The following SLC15A1 variants were observed in gnomAD, a reference collection of about 807,000 sequenced individuals.
SLC15A1 encodes solute carrier family 15 member 1, also known as Caco-2 oligopeptide transporter.
Under a neutral mutation model 92.9 loss-of-function variants are expected in SLC15A1, and 83 were observed. The ratio of observed to expected loss-of-function variants is 0.89; its 90% CI spans 0.75 to 1.07. The LOEUF (loss-of-function observed/expected upper bound fraction) is 1.07, where lower values mean the gene tolerates loss of function less well. Among genes scored for constraint, SLC15A1 ranks in the 50% least tolerant of loss-of-function variants. SLC15A1 has a pLI of 0.00. For synonymous variants in SLC15A1, 322 were observed against 318.2 expected, an observed-to-expected ratio of 1.01 and a Z score of -0.13; for missense variants, 857 against 880.1, an observed-to-expected ratio of 0.97 and a Z score of 0.33.
chr13:98,689,621 T>TTTA (rs2139561534), intron 18 of SLC15A1, among the ~76,000 whole-genome samples: 1 of 152,228 alleles, frequency 6.6e-6, no homozygotes, highest in South Asian at 2.1e-4. Context: ...AATTTTTATT[T>TTTA]TTATTTTTGT....
intron 9 of SLC15A1, among the ~76,000 whole-genome samples, chr13:98,712,830 G>A (rs1210687993): frequency 6.6e-6 from 1 of 152,110 alleles, no homozygotes; most frequent in Non-Finnish European, 1.5e-5. Context: ...AGAGAAGCAC[G>A]CCCAATAGAA....
intron 18 of SLC15A1, among the ~76,000 whole-genome samples, chr13:98,689,408 G>A (rs2087958097): frequency 6.6e-6 from 1 of 152,134 alleles, no homozygotes; most frequent in Non-Finnish European, 1.5e-5. Flanking sequence ...CCCGGGACTG[G>A]AGAGGAAGAA....
chr13:98,734,243 G>A (rs1480386159), intron 1 of SLC15A1, among the ~76,000 whole-genome samples: 1 of 152,164 alleles, frequency 6.6e-6, no homozygotes, highest in Non-Finnish European at 1.5e-5. Flanking sequence ...GGGATTATAG[G>A]CATGAGCCAC....
chr13:98,739,987 C>T lies in SLC15A1; in HGVS notation c.4+12608G>A, dbSNP rs147603914. On this transcript the variant is annotated intron_variant, in intron 1 of 22. Coordinates refer to ENST00000376503, the MANE Select transcript of SLC15A1 (RefSeq NM_005073.4). ...GAGGTAGCCATCAAAGAAGAAAGAG[C>T]CCCCTCCAGGGTCAATTACATTGAC... is the stretch of plus-strand genomic sequence containing the variant. Among the ~76,000 whole-genome samples the T allele has an allele frequency of 6.6e-3, 1,005 of 152,186 alleles. 12 individuals are homozygous for T. Among genetic ancestry groups the T allele is most frequent in the African/African-American group, 0.023 (970 of 41,522 alleles).
At chr13:98,706,891 T>C (rs551064254) in intron 15 of SLC15A1, among the ~76,000 whole-genome samples, 123 of 152,264 alleles carry the variant, frequency 8.1e-4, no homozygotes, top group Non-Finnish European at 1.2e-3. Context: ...AAGCCAAATA[T>C]CTGATGGCTC....
intron 2 of SLC15A1, 43 bp from the exon 3 acceptor site, chr13:98,726,492 A>G (rs766615064): frequency 3.8e-5 from 60 of 1,559,974 alleles, no homozygotes; most frequent in Non-Finnish European, 5.0e-5. Context: ...TACACCCCCC[A>G]CTGGTCCATA....
In SLC15A1 at chr13:98,726,208, C is replaced by A. The variant is rs199996553; in HGVS notation, c.160G>T (p.Ala54Ser). The A allele has an allele frequency of 3.1e-6, 5 of 1,613,950 alleles. No homozygotes were observed. In the Middle Eastern group the frequency reaches 4.9e-4, roughly 160 times the overall value. ...FISWDDNLSTAIYHTFVALCY... is the reference protein window; with the variant it reads ...FISWDDNLSTSIYHTFVALCY... ...AGAGCCACAAACGTATGGTAGATGG[C>A]GGTGGACAGGTTATCATCCCAGCTG... The change falls in exon 4 of 23, where the codon GCC (alanine) becomes TCC (serine). Residue 54 changes from alanine to serine, a missense_variant. Ala to Ser is a moderately conservative substitution (Grantham distance 99, BLOSUM62 1). Coordinates refer to ENST00000376503, the MANE Select transcript of SLC15A1 (RefSeq NM_005073.4).
chr13:98,705,202 G>GGA (rs1555322802), intron 16 of SLC15A1, among the ~76,000 whole-genome samples: 4 of 127,112 alleles, frequency 3.1e-5, no homozygotes, highest in Non-Finnish European at 4.8e-5. Context: ...CTGTATTTAA[G>GGA]AAAAAAAAAA....
chr13:98,711,752 G>A (rs2088164512), intron 11 of SLC15A1, 102 bp downstream of exon 11: 1 of 748,712 alleles, frequency 1.3e-6, no homozygotes, highest in Non-Finnish European at 2.3e-6. Context: ...GAAACTGGAG[G>A]AGAACTTTTT....
intron 5 of SLC15A1, 71 bp downstream of exon 5, chr13:98,723,841 G>A (rs1334154149): frequency 6.3e-7 from 1 of 1,598,852 alleles, no homozygotes; most frequent in Non-Finnish European, 8.5e-7. Context: ...CAAGGAAAAA[G>A]ACGAAGACTT....
chr13:98,691,966 G>A (rs9584904), intron 18 of SLC15A1, among the ~76,000 whole-genome samples: 4 of 151,638 alleles, frequency 2.6e-5, no homozygotes, highest in African/African-American at 7.3e-5. Context: ...TCAGCTACTC[G>A]GGAGGCTGAG....
At chr13:98,697,453 G>A (rs1322064088) in intron 18 of SLC15A1, among the ~76,000 whole-genome samples, 13 of 151,432 alleles carry the variant, frequency 8.6e-5, no homozygotes, top group Middle Eastern at 3.4e-3. Context: ...GAAGAGGAAC[G>A]AAGGAACAAA....
In SLC15A1 at chr13:98,726,114, GC is replaced by G. The variant is rs1390284489; in HGVS notation, c.245+8del. 6.2e-7 allele frequency: 1 copy of G among 1,611,986 alleles called. No homozygotes were observed. Among genetic ancestry groups the G allele is most frequent in the Admixed American group, 1.7e-5 (1 of 59,590 alleles). On this transcript the variant is annotated splice_region_variant and intron_variant, in intron 4 of 22. Transcript: ENST00000376503. ...CTTGTTTGTGAACAAGAAATTTCCA[GC>G]CACTCACTTGAACTTTCCCAGCCAC...
rs373442579 is a variant in SLC15A1, at chr13:98,740,431, C to T, written c.4+12164G>A. Among the ~76,000 whole-genome samples, 404 of 152,262 alleles carry T rather than the reference C, an allele frequency of 2.7e-3. 3 individuals are homozygous for T. The highest frequency in any genetic ancestry group is 9.4e-3 in the African/African-American group (389 of 41,552). On this transcript the variant is annotated intron_variant, in intron 1 of 22. Transcript: ENST00000376503. The stretch of plus-strand genomic sequence containing the variant: ...AAGCCCTACTCCTAGGCCCGGCATT[C>T]AAGGCCCCCCAGGGTCTGACTGTGG...
At position 98,704,302 on chromosome 13, in the gene SLC15A1, T is replaced by C. The variant is rs375203637; in HGVS notation, c.1403A>G (p.Asn468Ser). Residue 468 changes from asparagine to serine, a missense_variant, in exon 17 of 23, where the codon AAT becomes AGT. Transcript: ENST00000376503. ...TCACACACTTACCACCTGGTAGTGA[T>C]TGGGGGCCCACACTAGAAGCGTGTG... is the stretch of plus-strand genomic sequence containing the variant. ...QRHTLLVWAPNHYQVVKDGLN... is the reference protein window; with the variant it reads ...QRHTLLVWAPSHYQVVKDGLN... The C allele has an allele frequency of 7.9e-5, 127 of 1,609,570 alleles. No individual in the cohort carries two copies. The highest frequency in any genetic ancestry group is 1.8e-4 in the East Asian group (8 of 44,688).
rs150116826 is a variant in SLC15A1 at position 98,718,401 on chromosome 13, C to T, written c.640+836G>A. Reference sequence around the variant, plus strand: ...ATGGTGCAATCATGGCTCACTGCAGCCTCGACCTCCCAGGCTCAAGCAATC... The same window carrying T: ...ATGGTGCAATCATGGCTCACTGCAGTCTCGACCTCCCAGGCTCAAGCAATC... On this transcript the variant is annotated intron_variant, in intron 8 of 22. Transcript: ENST00000376503. 3.5e-4 allele frequency among the ~76,000 whole-genome samples: 51 copies of T among 146,292 alleles called. 2 individuals are homozygous for T. In the East Asian group the frequency reaches 0.01, roughly 30 times the overall value.
At chr13:98,746,685 C>G (rs914126458) in intron 1 of SLC15A1, among the ~76,000 whole-genome samples, 1 of 152,170 alleles carries the variant, frequency 6.6e-6, no homozygotes, top group African/African-American at 2.4e-5. Flanking sequence ...TATGGAAGTA[C>G]ATTTTGTGAA....
At chr13:98,704,523 C>G (rs1295264300) in intron 16 of SLC15A1, 88 bp from the exon 17 acceptor site, 24 of 1,338,856 alleles carry the variant, frequency 1.8e-5, no homozygotes, top group Non-Finnish European at 2.3e-5. Context: ...ATCTGATATT[C>G]TGCATTTCCA....
intron 1 of SLC15A1, among the ~76,000 whole-genome samples, chr13:98,728,977 TAAAAAAAAA>T (rs71218592): frequency 7.2e-5 from 1 of 13,900 alleles, no homozygotes; most frequent in Non-Finnish European, 1.2e-4. Flanking sequence ...TAAGGCTCTG[TAAAAAAAAA>T]AAAAAAAAAA....
Sources: gnomAD v4.1 joint callset for allele counts (sites outside exome capture counted in the v4.1 genomes callset) on GRCh38, gnomAD v4.1.1 for gene constraint, MANE v1.5 for transcripts, NCBI Gene and HGNC (gene_info 2026-07-23, HGNC 2026-07-21) for gene names.